SV2C: variants seen among roughly 807,000 people sequenced by gnomAD.
The protein encoded by SV2C is solute carrier family 22 member B3.
A neutral mutation model predicts 79.7 loss-of-function variants in SV2C; 49 were observed. The ratio of observed to expected loss-of-function variants is 0.61; its 90% confidence interval spans 0.49 to 0.78. The LOEUF (loss-of-function observed/expected upper bound fraction) is 0.78, where lower values mean the gene tolerates loss of function less well. SV2C is among the 30% of genes least tolerant of loss of function. The pLI is 0.00. For synonymous variants in SV2C, 334 were observed against 333.2 expected (o/e 1.00, Z -0.03); for missense variants, 833 against 912.9 (o/e 0.91, Z 1.13).
intron 12 of SV2C, among the ~76,000 whole-genome samples, chr5:76,318,830 AGAAG>A (rs150997188): frequency 0.013 from 1,909 of 152,330 alleles, 41 homozygotes; most frequent in African/African-American, 0.044. Flanking sequence ...GTTGTTTAAG[AGAAG>A]GCATGAAAAC....
At chr5:75,939,403 T>A in the SV2C span, among the ~76,000 whole-genome samples, 4 of 152,132 alleles carry the variant, frequency 2.6e-5, no homozygotes, top group East Asian at 5.8e-4. Context: ...TGATTTCAGT[T>A]CTTATAAGGA....
chr5:76,004,315 G>A, the SV2C span, among the ~76,000 whole-genome samples: 1 of 152,080 alleles, frequency 6.6e-6, no homozygotes, highest in African/African-American at 2.4e-5. Flanking sequence ...CCACTTTCTG[G>A]CTGGGCTATC....
chr5:75,903,671 G>A, the SV2C span, among the ~76,000 whole-genome samples: 54 of 152,242 alleles, frequency 3.5e-4, no homozygotes, highest in Non-Finnish European at 3.1e-4. Context: ...TGAGACCCTT[G>A]TTCTCACAGC....
At chr5:75,973,582 G>T in the SV2C span, among the ~76,000 whole-genome samples, 1 of 151,972 alleles carries the variant, frequency 6.6e-6, no homozygotes, top group South Asian at 2.1e-4. Context: ...AGATAGACGA[G>T]GGGAGATTGA....
intron 4 of SV2C, among the ~76,000 whole-genome samples, chr5:76,242,621 G>A (rs1745823093): frequency 1.3e-5 from 2 of 152,152 alleles, no homozygotes; most frequent in Admixed American, 6.5e-5. Flanking sequence ...AAAATGCTGC[G>A]AGGTCACACA....
At chr5:76,144,405 G>A (rs1318893872) in intron 2 of SV2C, among the ~76,000 whole-genome samples, 1 of 152,148 alleles carries the variant, frequency 6.6e-6, no homozygotes, top group Non-Finnish European at 1.5e-5. Flanking sequence ...TTTGTGGAAG[G>A]GGTGGGGTTG....
the SV2C span, among the ~76,000 whole-genome samples, chr5:75,848,352 G>GGCCTTAGA: frequency 6.6e-6 from 1 of 152,168 alleles, no homozygotes; most frequent in South Asian, 2.1e-4. Flanking sequence ...GCAGAGACAG[G>GGCCTTAGA]GCCTTAGAGC....
chr5:76,073,503 GTATATATATATATATATATATATATATA>G, the SV2C span, among the ~76,000 whole-genome samples: 268 of 67,452 alleles, frequency 4.0e-3, 6 homozygotes, highest in African/African-American at 0.012. Flanking sequence ...GTATGTGTGT[GTATATATATATATATATATATATATATA>G]TATATATATA....
intron 1 of SV2C, among the ~76,000 whole-genome samples, chr5:76,124,773 T>C (rs1748644888): frequency 6.6e-6 from 1 of 152,214 alleles, no homozygotes; most frequent in South Asian, 2.1e-4. Context: ...TGTTATTTTG[T>C]TATTTTGTTT....
At chr5:75,959,895 A>T in the SV2C span, among the ~76,000 whole-genome samples, 1 of 151,972 alleles carries the variant, frequency 6.6e-6, no homozygotes, top group Non-Finnish European at 1.5e-5. Flanking sequence ...TCTTTTAAAG[A>T]CCTAGAGCAC....
At chr5:76,040,014 A>G in the SV2C span, among the ~76,000 whole-genome samples, 1 of 152,190 alleles carries the variant, frequency 6.6e-6, no homozygotes, top group Non-Finnish European at 1.5e-5. Flanking sequence ...TTTTATACAA[A>G]GGACAGCATA....
chr5:75,920,956 G>T, the SV2C span: 2 of 719,184 alleles, frequency 2.8e-6, no homozygotes. Context: ...TGATGGCCCG[G>T]CCCCTGAGGA....
At chr5:75,912,890 C>T in the SV2C span, among the ~76,000 whole-genome samples, 10 of 152,230 alleles carry the variant, frequency 6.6e-5, no homozygotes, top group African/African-American at 2.2e-4. Context: ...AATTACATTG[C>T]CCAAGAAGAT....
At chr5:76,351,334 G>A (rs1251602687) in intron 12 of SV2C, among the ~76,000 whole-genome samples, 1 of 152,080 alleles carries the variant, frequency 6.6e-6, no homozygotes, top group Non-Finnish European at 1.5e-5. Flanking sequence ...TGTAGACCTA[G>A]CTACTCAGGA....
At chr5:76,037,015 C>G in the SV2C span, among the ~76,000 whole-genome samples, 1 of 152,122 alleles carries the variant, frequency 6.6e-6, no homozygotes, top group Non-Finnish European at 1.5e-5. Flanking sequence ...TCACTGATAC[C>G]CTTTCTTCCA....
chr5:76,029,310 T>C, the SV2C span, among the ~76,000 whole-genome samples: 1 of 152,212 alleles, frequency 6.6e-6, no homozygotes, highest in Non-Finnish European at 1.5e-5. Context: ...TGTCATACAA[T>C]AGATCTCTTG....
the SV2C span, among the ~76,000 whole-genome samples, chr5:76,002,170 G>GTATATATA: frequency 2.0e-5 from 3 of 150,352 alleles, no homozygotes; most frequent in African/African-American, 7.3e-5. Flanking sequence ...TTTTGTGTGT[G>GTATATATA]TATATATATA....
the SV2C span, among the ~76,000 whole-genome samples, chr5:76,055,638 G>A: frequency 6.6e-6 from 1 of 152,150 alleles, no homozygotes; most frequent in Non-Finnish European, 1.5e-5. Context: ...AGCATGGAAT[G>A]TTTTTCCATC....
At chr5:76,128,309 A>G (rs1400479418) in intron 1 of SV2C, among the ~76,000 whole-genome samples, 3 of 152,212 alleles carry the variant, frequency 2.0e-5, no homozygotes, top group Admixed American at 6.5e-5. Context: ...ATTATTACCC[A>G]TATAAAGCTC....
Sources: allele counts gnomAD v4.1 joint callset (sites outside exome capture counted in the v4.1 genomes callset), GRCh38; gene constraint gnomAD v4.1.1; transcripts MANE v1.5; gene names NCBI Gene and HGNC (gene_info 2026-07-23, HGNC 2026-07-21).